The following ZNF891 variants were observed in gnomAD, a reference collection of about 807,000 sequenced individuals.
ZNF891 encodes zinc finger protein 891, also known as hCG1646157.
For missense variants in ZNF891, 589 were observed against 632.7 expected (o/e 0.93, Z 0.74); for synonymous variants, 199 against 209.0 (o/e 0.95, Z 0.41).
rs767672512 is a variant in ZNF891, at chr12:133,121,228, T to C, written c.691A>G (p.Ile231Val). 51 of 1,535,526 alleles carry C rather than the reference T, an allele frequency of 3.3e-5. No individual in the cohort carries two copies. In the East Asian group the frequency reaches 1.1e-3, roughly 35 times the overall value. Residue 231 changes from isoleucine to valine, a missense_variant, in exon 2 of 2, where the codon ATC becomes GTC. By Grantham distance (29) the Ile-to-Val change is conservative. Coordinates refer to ENST00000537226, the MANE Select transcript of ZNF891 (RefSeq NM_001277291.2). ...GAGTTTTTCACATAATTGTTTATGA[T>C]TGAATTGTGTTTCAAACATCCAATC... is the stretch of plus-strand genomic sequence containing the variant. ...SEIGCLKHNS[I>V]INNYVKNSIS... is the part of the protein sequence containing the mutation.
chr12:133,126,110 A>C (rs1410784527), intron 1 of ZNF891, among the ~76,000 whole-genome samples: 3 of 152,210 alleles, frequency 2.0e-5, no homozygotes, highest in African/African-American at 7.2e-5. Context: ...TGAAATAAGA[A>C]TACAACTCTA....
Position 133,116,046 on chromosome 12 carries a change from G to C in ZNF891, c.*4238C>G, listed in dbSNP as rs567710036. On this transcript the variant is annotated 3_prime_UTR_variant, in exon 2 of 2. Coordinates refer to ENST00000537226, the MANE Select transcript of ZNF891 (RefSeq NM_001277291.2). ...GAGTGTAAATTCCAGTCCTAACCAA[G>C]CAAAGTACAATCCCTTGCTGAGTAC... The C allele has an allele frequency of 4.6e-5, 7 of 152,208 alleles. No homozygotes were observed. In the East Asian group the frequency reaches 1.2e-3, roughly 25 times the overall value. The allele number at this position is 152,208 out of a possible 1,614,324, so 9.4% of individuals were successfully genotyped here. A position where few individuals can be genotyped will look rare whatever the true frequency, so the allele number is the denominator to read the frequency against.
rs1955662935 is a variant in ZNF891 at position 133,109,272 on chromosome 12, C to A, written c.*11012G>T. On this transcript the variant is annotated 3_prime_UTR_variant, in exon 2 of 2. Coordinates refer to ENST00000537226, the MANE Select transcript of ZNF891 (RefSeq NM_001277291.2). ...CACCCTCTCTAGACTGTAGATGATG[C>A]AGAACTTCTATAATGAAAGTAAGAT... 1 of 152,158 alleles carries A rather than the reference C, an allele frequency of 6.6e-6. No homozygotes were observed. Among genetic ancestry groups the A allele is most frequent in the African/African-American group, 2.4e-5 (1 of 41,416 alleles). The allele number at this position is 152,158 out of a possible 1,614,324, so 9.4% of individuals were successfully genotyped here.
intron 1 of ZNF891, among the ~76,000 whole-genome samples, chr12:133,123,643 G>A (rs556474010): frequency 1.3e-5 from 2 of 151,756 alleles, no homozygotes; most frequent in East Asian, 3.9e-4. Context: ...AGGAGGTTGA[G>A]ACTGCAGTGA....
chr12:133,127,635 T>G (rs1279557047), intron 1 of ZNF891, among the ~76,000 whole-genome samples: 1 of 152,204 alleles, frequency 6.6e-6, no homozygotes, highest in Non-Finnish European at 1.5e-5. Flanking sequence ...GCAGTTAAGA[T>G]TACAATCCAC....
intron 1 of ZNF891, chr12:133,122,268 G>C: frequency 1.0e-6 from 1 of 1,000,832 alleles, no homozygotes; most frequent in Non-Finnish European, 1.2e-6. Flanking sequence ...TGGGTGAATG[G>C]GGCATGAGTT....
At position 133,106,691 on chromosome 12, in the gene ZNF891, T is replaced by C. The variant is rs776400261; in HGVS notation, c.*13593A>G. On this transcript the variant is annotated 3_prime_UTR_variant, in exon 2 of 2. Coordinates refer to ENST00000537226, the MANE Select transcript of ZNF891 (RefSeq NM_001277291.2). ...GAAAAACTATGAATGTATGGAATTT[T>C]TTAAAAAGAAGTATAATGCCTTACT... The C allele has an allele frequency of 1.3e-6, 2 of 1,502,240 alleles. No homozygotes were observed. The highest frequency in any genetic ancestry group is 2.2e-5 in the Admixed American group (1 of 45,108). 93.1% of individuals were successfully genotyped at this position (1,502,240 alleles called of 1,614,324 possible).
chr12:133,126,473 CAAA>C lies in ZNF891; in HGVS notation c.-107+3751_-107+3753del, dbSNP rs869209894. Among the ~76,000 whole-genome samples, 282 of 58,324 alleles carry C rather than the reference CAAA, an allele frequency of 4.8e-3. 2 individuals are homozygous for C. The highest frequency in any genetic ancestry group is 0.017 in the African/African-American group (266 of 15,264). 38.3% of individuals were successfully genotyped at this position (58,324 alleles called of 152,430 possible). A position where few individuals can be genotyped will look rare whatever the true frequency, so the allele number is the denominator to read the frequency against. On this transcript the variant is annotated intron_variant, in intron 1 of 1. Transcript: ENST00000537226. ...TGGGCAACAAAGCGAGACTCCGTCTCAAAAAAAAAAAAAAAAAAAAAGATAAAC... is the reference window on the plus strand; with the variant it reads ...TGGGCAACAAAGCGAGACTCCGTCTCAAAAAAAAAAAAAAAAAAGATAAAC...
rs1012784464 is a variant in ZNF891 at position 133,111,202 on chromosome 12, C to G, written c.*9082G>C. On this transcript the variant is annotated 3_prime_UTR_variant, in exon 2 of 2. Coordinates refer to ENST00000537226, the MANE Select transcript of ZNF891 (RefSeq NM_001277291.2). Reference sequence around the variant, plus strand: ...AAAATTATCTGGTATGTTAACAATTCTTTTAAGGAAACAAAACAAAAAAAA... The same window carrying G: ...AAAATTATCTGGTATGTTAACAATTGTTTTAAGGAAACAAAACAAAAAAAA... The G allele has an allele frequency of 6.6e-6, 1 of 151,870 alleles. No homozygotes were observed. The highest frequency in any genetic ancestry group is 2.4e-5 in the African/African-American group (1 of 41,322). 9.4% of individuals were successfully genotyped at this position (151,870 alleles called of 1,614,324 possible).
rs1290475312 is a variant in ZNF891 at position 133,113,121 on chromosome 12, AAT to A, written c.*7161_*7162del. ...AAAATATATTTATAAAATATAAAAA[AAT>A]ATATTTTTCAATTTTTTTAATCTGG... On this transcript the variant is annotated 3_prime_UTR_variant, in exon 2 of 2. Transcript: ENST00000537226. 6.7e-6 allele frequency: 1 copy of A among 148,300 alleles called. No individual in the cohort carries two copies. The highest frequency in any genetic ancestry group is 1.5e-5 in the Non-Finnish European group (1 of 67,098). The allele number at this position is 148,300 out of a possible 1,614,324, so 9.2% of individuals were successfully genotyped here. A position where few individuals can be genotyped will look rare whatever the true frequency, so the allele number is the denominator to read the frequency against.
rs1364491997 is a variant in ZNF891 at position 133,114,039 on chromosome 12, G to A, written c.*6245C>T. On this transcript the variant is annotated 3_prime_UTR_variant, in exon 2 of 2. Transcript: ENST00000537226. ...ACCCAGTAAGTTTGTACTAATTTAC[G>A]CTTCCATTGGTAGTCTAAAGCAAGT... 6.6e-6 allele frequency: 1 copy of A among 151,966 alleles called. No homozygotes were observed. The highest frequency in any genetic ancestry group is 2.4e-5 in the African/African-American group (1 of 41,372). The allele number at this position is 151,966 out of a possible 1,614,324, so 9.4% of individuals were successfully genotyped here. A position where few individuals can be genotyped will look rare whatever the true frequency, so the allele number is the denominator to read the frequency against.
rs1333007036 is a variant in ZNF891 at position 133,105,982 on chromosome 12, C to T, written c.*14302G>A. ...GTTACCTTTCATTTCTTATTGAACACCAGAGAACGCACACTGGGGAGAAAC... is the reference window on the plus strand; with the variant it reads ...GTTACCTTTCATTTCTTATTGAACATCAGAGAACGCACACTGGGGAGAAAC... On this transcript the variant is annotated 3_prime_UTR_variant, in exon 2 of 2. Transcript: ENST00000537226. The T allele has an allele frequency of 6.8e-6, 11 of 1,613,966 alleles. No individual in the cohort carries two copies. Among genetic ancestry groups the T allele is most frequent in the Admixed American group, 5.0e-5 (3 of 60,002 alleles).
rs1485232205 is a variant in ZNF891, at chr12:133,121,487, T to C, written c.432A>G (p.Thr144=). 6.5e-7 allele frequency: 1 copy of C among 1,536,202 alleles called. No homozygotes were observed. Among genetic ancestry groups the C allele is most frequent in the Admixed American group, 2.0e-5 (1 of 51,002 alleles). ...TTAATGTGGAGGACCAATTATGCAT[T>C]GTGAGTTTTATCATTTTCACTGCAT... ...PSNAVKMIKL[T]MHNWSSTLRE... is the part of the protein sequence containing the mutation. Residue 144 remains threonine, a synonymous_variant, in exon 2 of 2, where the codon ACA becomes ACG. Transcript: ENST00000537226.
At chr12:133,124,127 AATG>A (rs1955792011) in intron 1 of ZNF891, among the ~76,000 whole-genome samples, 1 of 152,218 alleles carries the variant, frequency 6.6e-6, no homozygotes. Context: ...AGTAAAACAG[AATG>A]ATATTAGGGC....
chr12:133,124,817 T>C (rs1955799284), intron 1 of ZNF891, among the ~76,000 whole-genome samples: 1 of 149,902 alleles, frequency 6.7e-6, no homozygotes, highest in Non-Finnish European at 1.5e-5. Context: ...ATGGGTGTTC[T>C]ATATGGGTGT....
rs936617235 is a variant in ZNF891, at chr12:133,119,865, G to A, written c.*419C>T. The stretch of plus-strand genomic sequence containing the variant: ...CTTAGCTACAAGAAGTCAAAGAAGC[G>A]TTCTATAACCAGAGACCTTATTGTT... On this transcript the variant is annotated 3_prime_UTR_variant, in exon 2 of 2. Coordinates refer to ENST00000537226, the MANE Select transcript of ZNF891 (RefSeq NM_001277291.2). 5.6e-5 allele frequency: 9 copies of A among 160,806 alleles called. No homozygotes were observed. Among genetic ancestry groups the A allele is most frequent in the Admixed American group, 1.2e-4 (2 of 17,026 alleles). 10.0% of individuals were successfully genotyped at this position (160,806 alleles called of 1,614,324 possible).
Position 133,105,394 on chromosome 12 carries a change from G to A in ZNF891, c.*14890C>T. On this transcript the variant is annotated 3_prime_UTR_variant, in exon 2 of 2. Coordinates refer to ENST00000537226, the MANE Select transcript of ZNF891 (RefSeq NM_001277291.2). ...TCAGATTTCAGTCACAGCTGTGAAA[G>A]CTGCTATTGATAAGATTTTTTGAAA... 5 of 1,066,344 alleles carry A rather than the reference G, an allele frequency of 4.7e-6. No homozygotes were observed. Among genetic ancestry groups the A allele is most frequent in the Non-Finnish European group, 5.3e-6 (4 of 757,846 alleles). 66.1% of individuals were successfully genotyped at this position (1,066,344 alleles called of 1,614,324 possible).
Position 133,125,522 on chromosome 12 carries a change from C to T in ZNF891, c.-106-3498G>A, listed in dbSNP as rs138350282. ...AAGGAAACTCCTGTCTCTCCTATGG[C>T]TAAAGCCAAAGCAAAGGCTTTGAAG... On this transcript the variant is annotated intron_variant, in intron 1 of 1. Transcript: ENST00000537226. 46 of 174,590 alleles carry T rather than the reference C, an allele frequency of 2.6e-4. 1 individual carries two copies. Among genetic ancestry groups the T allele is most frequent in the Middle Eastern group, 2.6e-3 (1 of 386 alleles). 10.8% of individuals were successfully genotyped at this position (174,590 alleles called of 1,614,324 possible). A position where few individuals can be genotyped will look rare whatever the true frequency, so the allele number is the denominator to read the frequency against.
intron 1 of ZNF891, among the ~76,000 whole-genome samples, chr12:133,129,918 C>T (rs977802265): frequency 1.3e-5 from 2 of 152,170 alleles, no homozygotes; most frequent in African/African-American, 4.8e-5. Flanking sequence ...TTAGCCCTCC[C>T]GTGTTGCTTA....
Sources: gnomAD v4.1 joint callset for allele counts (sites outside exome capture counted in the v4.1 genomes callset) on GRCh38, gnomAD v4.1.1 for gene constraint, MANE v1.5 for transcripts, NCBI Gene and HGNC (gene_info 2026-07-23, HGNC 2026-07-21) for gene names.